Variants in PRKDC observed in about 807,000 individuals in gnomAD.
PRKDC encodes the protein protein kinase, DNA-activated, catalytic subunit.
In PRKDC, 82 loss-of-function variants were observed where a neutral mutation model predicts 486.9. The observed-to-expected ratio is 0.17, with a 90% confidence interval of 0.14 to 0.20. PRKDC has a LOEUF of 0.20. PRKDC is among the 10% of genes least tolerant of loss of function. PRKDC has a pLI of 1.00. For missense variants in PRKDC, 4,504 were observed against 5,038.2 expected, an observed-to-expected ratio of 0.89 and a Z score of 3.21; for synonymous variants, 1,895 against 1,837.0, an observed-to-expected ratio of 1.03 and a Z score of -0.81.
intron 70 of PRKDC, among the ~76,000 whole-genome samples, chr8:47,801,709 T>C (rs2087112338): frequency 6.6e-6 from 1 of 152,220 alleles, no homozygotes; most frequent in African/African-American, 2.4e-5. Context: ...CAGGCACTGC[T>C]ACATTTAAAG....
At chr8:47,857,447 T>C (rs1037678699) in intron 48 of PRKDC, 148 bp from the exon 49 acceptor site, 5 of 794,492 alleles carry the variant, frequency 6.3e-6, no homozygotes, top group Non-Finnish European at 5.8e-6. Flanking sequence ...AGTGAAGGCA[T>C]TAGTGTGGGC....
In PRKDC at chr8:47,774,367, G is replaced by A. The variant is rs777033203; in HGVS notation, c.12193C>T (p.Leu4065Phe). ...NPAVITCDEL[L>F]LGHEKAPAFR... Reference sequence around the variant, plus strand: ...GCAGGGGCCTTCTCATGACCCAGGAGTAGCTCATCACTGGAAAAAAAACAA... The same window carrying A: ...GCAGGGGCCTTCTCATGACCCAGGAATAGCTCATCACTGGAAAAAAAACAA... The change falls in exon 86 of 86, where the codon CTC becomes TTC. Residue 4065 changes from leucine to phenylalanine, a missense_variant. This residue lies in a region of PRKDC where 706 missense variants were observed against 945.0 expected (regional missense o/e 0.75). Coordinates refer to ENST00000314191, the MANE Select transcript of PRKDC (RefSeq NM_006904.7). 4 of 1,612,698 alleles carry A rather than the reference G, an allele frequency of 2.5e-6. No homozygotes were observed. In the South Asian group the frequency reaches 4.4e-5, roughly 18 times the overall value.
intron 55 of PRKDC, 90 bp from the exon 56 acceptor site, chr8:47,839,336 T>C (rs1274941273): frequency 1.1e-6 from 1 of 902,844 alleles, no homozygotes; most frequent in Non-Finnish European, 1.8e-6. Context: ...GAATTCAATT[T>C]TAAAAGGCTT....
At position 47,799,407 on chromosome 8, in the gene PRKDC, C is replaced by T. The variant is rs2087051873; in HGVS notation, c.10117-17G>A. 12 of 1,502,096 alleles carry T rather than the reference C, an allele frequency of 8.0e-6. No homozygotes were observed. The highest frequency in any genetic ancestry group is 1.1e-5 in the Non-Finnish European group (12 of 1,129,134). 93.0% of individuals were successfully genotyped at this position (1,502,096 alleles called of 1,614,324 possible). ...CGCGATCACCTGGAATTCACAGAGA[C>T]CTAAACCCATGAGCATGACTGAAGC... On this transcript the variant is annotated splice_polypyrimidine_tract_variant and intron_variant, in intron 71 of 85. Coordinates refer to ENST00000314191, the MANE Select transcript of PRKDC (RefSeq NM_006904.7).
chr8:47,889,234 T>A lies in PRKDC; in HGVS notation c.4072-12A>T. 6.3e-7 allele frequency: 1 copy of A among 1,581,290 alleles called. No homozygotes were observed. Among genetic ancestry groups the A allele is most frequent in the Non-Finnish European group, 8.6e-7 (1 of 1,163,796 alleles). On this transcript the variant is annotated splice_polypyrimidine_tract_variant and intron_variant, in intron 32 of 85. Transcript: ENST00000314191. ...TCCTTCTTCAGGAGCTGTAACAGAT[T>A]GTTTGATAAAAACACTTCGTCAGCC...
chr8:47,857,954 C>G (rs1249088315), intron 48 of PRKDC, among the ~76,000 whole-genome samples: 2 of 152,130 alleles, frequency 1.3e-5, no homozygotes, highest in East Asian at 3.9e-4. Flanking sequence ...TGGTCCAGAC[C>G]ACACTCCCAC....
chr8:47,811,026 A>G (rs1480322006), intron 68 of PRKDC, among the ~76,000 whole-genome samples: 1 of 152,216 alleles, frequency 6.6e-6, no homozygotes, highest in Non-Finnish European at 1.5e-5. Flanking sequence ...AAGAAACACA[A>G]TGACTGAAAA....
Position 47,779,032 on chromosome 8 carries a change from C to A in PRKDC, c.11551G>T (p.Asp3851Tyr). The A allele has an allele frequency of 6.2e-7, 1 of 1,601,478 alleles. No individual in the cohort carries two copies. Residue 3851 changes from aspartate to tyrosine, a missense_variant, in exon 81 of 86, where the codon GAT becomes TAT. By Grantham distance (160) the Asp-to-Tyr change is radical. This residue lies in a region of PRKDC where 706 missense variants were observed against 945.0 expected (regional missense o/e 0.75). Coordinates refer to ENST00000314191, the MANE Select transcript of PRKDC (RefSeq NM_006904.7). ...DWLTKMSGKH[D>Y]VGAYMLMYKG... The stretch of plus-strand genomic sequence containing the variant: ...TACATTAGCATGTAAGCTCCAACAT[C>A]ATGTTTTCCTGACATTTTTGTCAGC...
intron 21 of PRKDC, among the ~76,000 whole-genome samples, chr8:47,923,646 T>C (rs1443658755): frequency 6.6e-6 from 1 of 152,210 alleles, no homozygotes; most frequent in Non-Finnish European, 1.5e-5. Context: ...TGAGGTACTT[T>C]AAAACCATGG....
intron 36 of PRKDC, among the ~76,000 whole-genome samples, chr8:47,885,504 G>C (rs1486427268): frequency 6.6e-6 from 1 of 151,930 alleles, no homozygotes; most frequent in Admixed American, 6.6e-5. Flanking sequence ...TTCTGAGTTT[G>C]TTAAAAGCAA....
Position 47,855,360 on chromosome 8 carries a change from T to C in PRKDC, c.6623A>G (p.Asp2208Gly). 1 of 1,597,446 alleles carries C rather than the reference T, an allele frequency of 6.3e-7. No individual in the cohort carries two copies. The highest frequency in any genetic ancestry group is 8.5e-7 in the Non-Finnish European group (1 of 1,171,116). ...GLATPTGVPKDEVLANRLLNF... is the reference protein window; with the variant it reads ...GLATPTGVPKGEVLANRLLNF... Reference sequence around the variant, plus strand: ...AAGCAATCGATTTGCTAACACTTCATCTTTAGGGACCCCCTGAAAAGGTAC... The same window carrying C: ...AAGCAATCGATTTGCTAACACTTCACCTTTAGGGACCCCCTGAAAAGGTAC... Residue 2208 changes from aspartate (D) to glycine (G), a missense_variant, in exon 50 of 86, where the codon GAT (aspartate) becomes GGT (glycine). This residue lies in a region of PRKDC where 1,592 missense variants were observed against 1,724.6 expected (regional missense o/e 0.92). Coordinates refer to ENST00000314191, the MANE Select transcript of PRKDC (RefSeq NM_006904.7).
intron 73 of PRKDC, among the ~76,000 whole-genome samples, chr8:47,794,881 T>A (rs1163322148): frequency 2.0e-5 from 3 of 152,218 alleles, no homozygotes; most frequent in African/African-American, 7.2e-5. Flanking sequence ...CCTGTACACA[T>A]AACTTTATTT....
intron 73 of PRKDC, among the ~76,000 whole-genome samples, chr8:47,794,955 C>A (rs1427057008): frequency 6.6e-6 from 1 of 152,154 alleles, no homozygotes; most frequent in Non-Finnish European, 1.5e-5. Context: ...GTGGCATGAT[C>A]TTGGCTCACT....
At chr8:47,775,364 ATTTTTTTTTT>A (rs761373021) in intron 85 of PRKDC, among the ~76,000 whole-genome samples, 2 of 87,556 alleles carry the variant, frequency 2.3e-5, no homozygotes, top group African/African-American at 1.1e-4. Flanking sequence ...TCTTTTGACC[ATTTTTTTTTT>A]TTTTTTTTTT....
At chr8:47,824,434 G>A (rs1053821815) in intron 63 of PRKDC, among the ~76,000 whole-genome samples, 3 of 124,330 alleles carry the variant, frequency 2.4e-5, no homozygotes, top group Non-Finnish European at 3.1e-5. Context: ...TCACCCTACT[G>A]CACTCCAGCC....
intron 53 of PRKDC, 22 bp from the exon 54 acceptor site, chr8:47,849,325 G>A (rs765480219): frequency 2.5e-6 from 4 of 1,613,828 alleles, no homozygotes; most frequent in Admixed American, 3.3e-5. Context: ...GGGAACTGGT[G>A]AGAGGAGGGC....
rs2087092539 is a variant in PRKDC at position 47,800,869 on chromosome 8, C to T, written c.10040G>A (p.Cys3347Tyr). Residue 3347 changes from cysteine (C) to tyrosine (Y), a missense_variant, in exon 71 of 86, where the codon TGC becomes TAC. Cys to Tyr is a radical substitution (Grantham distance 194). Transcript: ENST00000314191. ...CTTGTCCTCCTCGATTTCAGCAAGGCAGGCTGGCTCACTGCTGAGAGCATT... is the reference window on the plus strand; with the variant it reads ...CTTGTCCTCCTCGATTTCAGCAAGGTAGGCTGGCTCACTGCTGAGAGCATT... ...IANALSSEPACLAEIEEDKAR... is the reference protein window; with the variant it reads ...IANALSSEPAYLAEIEEDKAR... The T allele has an allele frequency of 1.2e-6, 2 of 1,613,626 alleles. No homozygotes were observed. Among genetic ancestry groups the T allele is most frequent in the Non-Finnish European group, 1.7e-6 (2 of 1,179,752 alleles).
chr8:47,886,095 G>A lies in PRKDC; in HGVS notation c.4625C>T (p.Ser1542Phe). The change falls in exon 36 of 86, where the codon TCC (serine) becomes TTC (phenylalanine). Residue 1542 changes from serine (S) to phenylalanine (F), a missense_variant. Ser to Phe is a radical substitution (Grantham distance 155, BLOSUM62 -2). This residue lies in a region of PRKDC where 1,969 missense variants were observed against 2,068.9 expected (regional missense o/e 0.95). Coordinates refer to ENST00000314191, the MANE Select transcript of PRKDC (RefSeq NM_006904.7). ...LLNPAVLSTA[S>F]LGSSQGSVIH... ...GACGCTGCCCTGTGAGCTGCCCAAG[G>A]ACGCCGTGGACAGCACCGCTGGGTT... 1 of 1,613,522 alleles carries A rather than the reference G, an allele frequency of 6.2e-7. No individual in the cohort carries two copies. The highest frequency in any genetic ancestry group is 8.5e-7 in the Non-Finnish European group (1 of 1,179,874).
At chr8:47,940,720 C>G (rs972051828) in intron 10 of PRKDC, among the ~76,000 whole-genome samples, 4 of 152,144 alleles carry the variant, frequency 2.6e-5, no homozygotes, top group Non-Finnish European at 4.4e-5. Context: ...TTTAACGCAT[C>G]TTTATTCAAC....
Sources: allele counts gnomAD v4.1 joint callset (sites outside exome capture counted in the v4.1 genomes callset), GRCh38; gene constraint gnomAD v4.1.1; regional missense constraint gnomAD v4.1.1; transcripts MANE v1.5; gene names NCBI Gene and HGNC (gene_info 2026-07-23, HGNC 2026-07-21).